The following ZAN variants were observed in gnomAD, a reference collection of about 807,000 sequenced individuals.
ZAN encodes zonadhesin (gene/pseudogene).
ZAN carries 260 observed loss-of-function variants against 286.2 expected under a neutral mutation model. That is an observed-to-expected ratio of 0.91 (90% CI 0.82 to 1.01). The LOEUF is 1.01. ZAN is among the 50% of genes least tolerant of loss of function. The pLI, the probability that ZAN is intolerant of heterozygous loss-of-function variation, is 0.00. For synonymous variants in ZAN, 1,368 were observed against 1,417.5 expected (o/e 0.97, Z 0.79); for missense variants, 3,410 against 3,639.2 (o/e 0.94, Z 1.62).
rs765558712 is a variant in ZAN at position 100,797,365 on chromosome 7, G to A, written c.8267-1G>A. Reference sequence around the variant, plus strand: ...TAATGTCTCTTCCCCGCACCCAGAAGCATCTAACCTGGTGGGCGTCCTACT... The same window carrying A: ...TAATGTCTCTTCCCCGCACCCAGAAACATCTAACCTGGTGGGCGTCCTACT... On this transcript the variant is annotated splice_acceptor_variant, in intron 45 of 47. Transcript: ENST00000613979. LOFTEE classifies it high-confidence loss of function. 2.5e-6 allele frequency: 4 copies of A among 1,613,562 alleles called. No individual in the cohort carries two copies. Among genetic ancestry groups the A allele is most frequent in the South Asian group, 1.1e-5 (1 of 91,058 alleles).
chr7:100,778,751 G>A (rs1810985042), intron 34 of ZAN, among the ~76,000 whole-genome samples: 4 of 152,050 alleles, frequency 2.6e-5, no homozygotes, highest in Admixed American at 2.6e-4. Flanking sequence ...ATTGTCATAG[G>A]GCCAGGCGTG....
At chr7:100,758,860 A>G (rs911508677) in intron 17 of ZAN, among the ~76,000 whole-genome samples, 3 of 151,992 alleles carry the variant, frequency 2.0e-5, no homozygotes, top group Admixed American at 6.6e-5. Context: ...AGGCAGGAGG[A>G]TCACTTGAAT....
chr7:100,745,686 G>A (rs979789778), intron 7 of ZAN, among the ~76,000 whole-genome samples: 3 of 151,522 alleles, frequency 2.0e-5, no homozygotes, highest in African/African-American at 7.3e-5. Context: ...AGGAGTTCAA[G>A]ACCAGCCTGG....
rs1465065919 is a variant in ZAN at position 100,735,834 on chromosome 7, C to G, written c.106+62C>G. ...CCTCCTCCGAACCCACATTCTGCCA[C>G]CAGAATGCCAGTTCCTGAGTTCCTA... On this transcript the variant is annotated intron_variant, in intron 3 of 47. Transcript: ENST00000613979. 16 of 1,239,954 alleles carry G rather than the reference C, an allele frequency of 1.3e-5. 3 individuals are homozygous for G. The highest frequency in any genetic ancestry group is 1.7e-5 in the Non-Finnish European group (15 of 878,684). 76.8% of individuals were successfully genotyped at this position (1,239,954 alleles called of 1,614,324 possible). A position where few individuals can be genotyped will look rare whatever the true frequency, so the allele number is the denominator to read the frequency against.
intron 11 of ZAN, among the ~76,000 whole-genome samples, chr7:100,750,408 T>C (rs892538622): frequency 6.6e-6 from 1 of 152,194 alleles, no homozygotes; most frequent in Non-Finnish European, 1.5e-5. Flanking sequence ...GTGCTGGGAT[T>C]ACAGGCATGA....
chr7:100,750,649 C>G lies in ZAN; in HGVS notation c.1274C>G (p.Ala425Gly). Residue 425 changes from alanine (A) to glycine (G), a missense_variant, in exon 12 of 48, where the codon GCT (alanine) becomes GGT (glycine). This residue lies in a region of ZAN where 872 missense variants were observed against 938.9 expected (regional missense o/e 0.93). Coordinates refer to ENST00000613979, the MANE Select transcript of ZAN (RefSeq NM_003386.3). ...GGGGGTCACTATATCTACCTTGAGG[C>G]TGACGAGTTCTCCCAGGCAGGCCAG... ...NAGGHYIYLE[A>G]DEFSQAGQSV... The G allele has an allele frequency of 6.2e-7, 1 of 1,613,392 alleles. No homozygotes were observed. The highest frequency in any genetic ancestry group is 8.5e-7 in the Non-Finnish European group (1 of 1,179,698).
At chr7:100,753,484 T>C (rs1283728991) in intron 14 of ZAN, among the ~76,000 whole-genome samples, 1 of 152,084 alleles carries the variant, frequency 6.6e-6, no homozygotes, top group Non-Finnish European at 1.5e-5. Flanking sequence ...TCGTTGTTTG[T>C]TATTGAGATA....
In ZAN at chr7:100,779,674, G is replaced by C. The variant is rs1376356751; in HGVS notation, c.6546G>C (p.Gln2182His). 6.4e-7 allele frequency: 1 copy of C among 1,569,588 alleles called. No individual in the cohort carries two copies. The highest frequency in any genetic ancestry group is 1.2e-5 in the South Asian group (1 of 85,396). ...EFGGLYQALC[Q>H]ALQAFGATCQ... ...GAGGTCTCTACCAGGCCCTCTGCCA[G>C]GCTCTGCAAGCCTTCGGGGCCACCT... is the stretch of plus-strand genomic sequence containing the variant. Residue 2182 changes from glutamine (Q) to histidine (H), a missense_variant, in exon 35 of 48, where the codon CAG becomes CAC. Transcript: ENST00000613979.
At chr7:100,796,085 A>AAAAAACAAAAACC (rs1812345155) in intron 45 of ZAN, among the ~76,000 whole-genome samples, 1 of 151,922 alleles carries the variant, frequency 6.6e-6, no homozygotes, top group Non-Finnish European at 1.5e-5. Context: ...CAAAAAAAAC[A>AAAAAACAAAAACC]AAAAACAAAA....
In ZAN at chr7:100,739,306, G is replaced by A. The variant is rs1434320663; in HGVS notation, c.766+693G>A. Among the ~76,000 whole-genome samples the A allele has an allele frequency of 1.5e-5, 2 of 135,494 alleles. 1 individual carries two copies. The allele number at this position is 135,494 out of a possible 152,430, so 88.9% of individuals were successfully genotyped here. ...GATTACAGCGTGAGCCATTGCTTCT[G>A]GCCCCTTTCATTCTTCATTCATTCA... On this transcript the variant is annotated intron_variant, in intron 7 of 47. Transcript: ENST00000613979.
chr7:100,751,002 C>T lies in ZAN; in HGVS notation c.1521+106C>T, dbSNP rs1435886953. The T allele has an allele frequency of 9.5e-6, 14 of 1,473,302 alleles. 1 individual carries two copies. The highest frequency in any genetic ancestry group is 1.4e-5 in the African/African-American group (1 of 70,772). 91.3% of individuals were successfully genotyped at this position (1,473,302 alleles called of 1,614,324 possible). ...AGAGGTGGAAAGCTGGAAAGAGAGC[C>T]GAGAAAAGGGGAACTTCGTGTTACA... On this transcript the variant is annotated intron_variant, in intron 12 of 47. Transcript: ENST00000613979.
chr7:100,751,106 A>G (rs1562923051), intron 12 of ZAN, 76 bp from the exon 13 acceptor site: 2 of 1,370,362 alleles, frequency 1.5e-6, no homozygotes, highest in South Asian at 1.4e-5. Context: ...AACAGATTCT[A>G]TGCCCAGTGG....
rs1046322223 is a variant in ZAN, at chr7:100,738,464, G to C, written c.617G>C (p.Cys206Ser). 2.0e-6 allele frequency: 3 copies of C among 1,466,984 alleles called. No individual in the cohort carries two copies. The African/African-American group carries it at 4.3e-5, about 21-fold the overall frequency. The allele number at this position is 1,466,984 out of a possible 1,614,324, so 90.9% of individuals were successfully genotyped here. A position where few individuals can be genotyped will look rare whatever the true frequency, so the allele number is the denominator to read the frequency against. Residue 206 changes from cysteine (C) to serine (S), a missense_variant, in exon 7 of 48, where the codon TGT becomes TCT. Coordinates refer to ENST00000613979, the MANE Select transcript of ZAN (RefSeq NM_003386.3). The stretch of plus-strand genomic sequence containing the variant: ...TCCCTTCTTTCTTTCCTCTCAGTCT[G>C]TATGATGCAAACATGCAGCTTTGAC... ...SIRRGSCNRVCMMQTCSFDIP... is the reference protein window; with the variant it reads ...SIRRGSCNRVSMMQTCSFDIP...
intron 22 of ZAN, 49 bp downstream of exon 22, chr7:100,764,245 C>A: frequency 6.9e-7 from 1 of 1,457,722 alleles, no homozygotes; most frequent in Non-Finnish European, 9.0e-7. Flanking sequence ...TGGCTCACAC[C>A]TATAATCCCA....
intron 33 of ZAN, 122 bp from the exon 34 acceptor site, chr7:100,776,318 A>G (rs1584611076): frequency 2.4e-6 from 3 of 1,270,488 alleles, no homozygotes; most frequent in Non-Finnish European, 3.1e-6. Context: ...AACTTGAAGG[A>G]AGGGAGGGAG....
intron 12 of ZAN, 24 bp downstream of exon 12, chr7:100,750,920 T>C: frequency 1.3e-6 from 2 of 1,525,426 alleles, no homozygotes; most frequent in Non-Finnish European, 1.8e-6. Context: ...GCGGGGGTCC[T>C]GTCTGTGTGA....
chr7:100,795,973 C>CA (rs1303728377), intron 45 of ZAN, among the ~76,000 whole-genome samples: 1 of 151,606 alleles, frequency 6.6e-6, no homozygotes, highest in African/African-American at 2.4e-5. Flanking sequence ...CCCAGCTACT[C>CA]AGAGGCTGAG....
intron 15 of ZAN, among the ~76,000 whole-genome samples, chr7:100,757,855 A>T (rs1194558784): frequency 1.3e-5 from 2 of 149,928 alleles, no homozygotes; most frequent in Admixed American, 1.3e-4. Flanking sequence ...CAGGAGGGTC[A>T]CTTGAGCTCA....
rs1343316698 is a variant in ZAN, at chr7:100,786,022, GT to G, written c.6862del (p.Cys2288AlafsTer66). On this transcript the variant is annotated frameshift_variant, in exon 37 of 48. Transcript: ENST00000613979. LOFTEE classifies it high-confidence loss of function. ...IPLGKSWVSS[G>X]CTEKCVCTGG... ...CTGGGCAAGAGCTGGGTCTCCAGCG[GT>G]TGCACGGAGAAGTGTGTCTGCACGG... The G allele has an allele frequency of 1.2e-6, 2 of 1,613,798 alleles. No individual in the cohort carries two copies. Among genetic ancestry groups the G allele is most frequent in the African/African-American group, 2.7e-5 (2 of 74,950 alleles).
Sources: gnomAD v4.1 joint callset for allele counts (sites outside exome capture counted in the v4.1 genomes callset) on GRCh38, gnomAD v4.1.1 for gene constraint, gnomAD v4.1.1 regional missense constraint, MANE v1.5 for transcripts, NCBI Gene and HGNC (gene_info 2026-07-23, HGNC 2026-07-21) for gene names.